The following ZNF831 variants were observed in gnomAD, a reference collection of about 807,000 sequenced individuals.
ZNF831 encodes the protein chromosome 20 open reading frame 174.
A neutral mutation model predicts 95.8 loss-of-function variants in ZNF831; 59 were observed. That is an observed-to-expected ratio of 0.62 (90% CI 0.50 to 0.77). ZNF831 has a LOEUF of 0.77. ZNF831 is among the 30% of genes least tolerant of loss of function. The pLI, the probability that ZNF831 is intolerant of heterozygous loss-of-function variation, is 0.00. For synonymous variants in ZNF831, 961 were observed against 925.5 expected (o/e 1.04, Z -0.70); for missense variants, 2,205 against 2,164.0 (o/e 1.02, Z -0.38).
intron 1 of ZNF831, among the ~76,000 whole-genome samples, chr20:59,172,252 G>A (rs894911103): frequency 2.0e-5 from 3 of 152,104 alleles, no homozygotes; most frequent in African/African-American, 4.8e-5. Flanking sequence ...AGATCTCTGC[G>A]AGCCAAAGAA....
chr20:59,179,516 G>A (rs148561553), intron 1 of ZNF831, among the ~76,000 whole-genome samples: 15 of 152,168 alleles, frequency 9.9e-5, no homozygotes, highest in Non-Finnish European at 2.1e-4. Flanking sequence ...GATTTTTAGA[G>A]GGAGGGGCCA....
intron 1 of ZNF831, among the ~76,000 whole-genome samples, chr20:59,176,396 CT>C (rs957181594): frequency 1.6e-4 from 24 of 152,256 alleles, no homozygotes; most frequent in African/African-American, 5.8e-4. Flanking sequence ...TGTTACACGA[CT>C]GTATTTACTT....
At chr20:59,150,243 C>T (rs1458674182) in intron 2 of ZNF831, among the ~76,000 whole-genome samples, 1 of 152,220 alleles carries the variant, frequency 6.6e-6, no homozygotes, top group East Asian at 1.9e-4. Flanking sequence ...CCTCTGCCCT[C>T]CCTATCCTAG....
At chr20:59,135,314 T>C (rs550313163) in intron 1 of ZNF831, among the ~76,000 whole-genome samples, 1 of 152,294 alleles carries the variant, frequency 6.6e-6, no homozygotes, top group Non-Finnish European at 1.5e-5. Context: ...GAGCTGGGTG[T>C]GGCAACTCAT....
At chr20:59,196,672 C>T (rs886639091) in intron 3 of ZNF831, among the ~76,000 whole-genome samples, 1 of 152,202 alleles carries the variant, frequency 6.6e-6, no homozygotes, top group Non-Finnish European at 1.5e-5. Context: ...GCTCGCCCTC[C>T]ACCCTCATCC....
At chr20:59,163,495 C>T (rs899549713), upstream of ZNF831, among the ~76,000 whole-genome samples, 4 of 152,202 alleles carry the variant, frequency 2.6e-5, no homozygotes, top group Non-Finnish European at 5.9e-5. Context: ...TCTGGGCCCT[C>T]AGGAACCTCT....
At chr20:59,165,037 C>A (rs1430823087) in intron 1 of ZNF831, among the ~76,000 whole-genome samples, 1 of 152,162 alleles carries the variant, frequency 6.6e-6, no homozygotes, top group African/African-American at 2.4e-5. Context: ...CAGCTAAGAG[C>A]AAGTATTTAG....
chr20:59,220,331 G>A (rs1985996187), intron 4 of ZNF831, among the ~76,000 whole-genome samples: 1 of 152,210 alleles, frequency 6.6e-6, no homozygotes, highest in African/African-American at 2.4e-5. Context: ...GGCACCAGGT[G>A]CGCCTTGCGG....
At chr20:59,230,936 C>T (rs899284364) in intron 4 of ZNF831, among the ~76,000 whole-genome samples, 5 of 152,192 alleles carry the variant, frequency 3.3e-5, no homozygotes, top group African/African-American at 7.2e-5. Context: ...ATTATGGAAG[C>T]TCCATTGTGT....
chr20:59,161,732 G>A (rs1490627164), upstream of ZNF831, among the ~76,000 whole-genome samples: 1 of 152,198 alleles, frequency 6.6e-6, no homozygotes, highest in East Asian at 1.9e-4. Flanking sequence ...TACGAGTGCA[G>A]GTGTCTTTTT....
chr20:59,178,004 T>G (rs1037504013), intron 1 of ZNF831, among the ~76,000 whole-genome samples: 1 of 152,142 alleles, frequency 6.6e-6, no homozygotes, highest in Non-Finnish European at 1.5e-5. Flanking sequence ...TTTCTTTTGG[T>G]TTTGAATTTT....
At chr20:59,252,282 T>G (rs967671182) in intron 4 of ZNF831, among the ~76,000 whole-genome samples, 1 of 152,196 alleles carries the variant, frequency 6.6e-6, no homozygotes, top group Non-Finnish European at 1.5e-5. Context: ...GTCTAGTGCT[T>G]CTTCTCTAGT....
chr20:59,226,464 T>C (rs1986438361), intron 4 of ZNF831, among the ~76,000 whole-genome samples: 1 of 151,952 alleles, frequency 6.6e-6, no homozygotes, highest in African/African-American at 2.4e-5. Flanking sequence ...TTCTTGAGAG[T>C]ACCCCTTTAA....
intron 3 of ZNF831, 58 bp downstream of exon 3, chr20:59,196,063 G>A (rs1984083204): frequency 8.2e-6 from 13 of 1,590,168 alleles, no homozygotes; most frequent in Middle Eastern, 3.4e-4. Flanking sequence ...ATTTACTATG[G>A]GATTTGAAAG....
At chr20:59,205,810 C>T (rs1222493446) in intron 3 of ZNF831, among the ~76,000 whole-genome samples, 1 of 152,206 alleles carries the variant, frequency 6.6e-6, no homozygotes, top group East Asian at 1.9e-4. Flanking sequence ...GCAGGCCTGG[C>T]TCTTCGTCTC....
intron 3 of ZNF831, among the ~76,000 whole-genome samples, chr20:59,197,375 T>C (rs1255393940): frequency 2.0e-5 from 3 of 152,196 alleles, no homozygotes; most frequent in Non-Finnish European, 4.4e-5. Context: ...ATTTTTCTCA[T>C]GAGGAAATGG....
intron 4 of ZNF831, among the ~76,000 whole-genome samples, chr20:59,215,667 G>A (rs1985630194): frequency 6.6e-6 from 1 of 152,204 alleles, no homozygotes. Context: ...CAGCACTGAG[G>A]CCTAAATTGA....
chr20:59,248,857 A>T (rs73309084), intron 4 of ZNF831, among the ~76,000 whole-genome samples: 1,909 of 152,108 alleles, frequency 0.013, 39 homozygotes, highest in African/African-American at 0.044. Context: ...TAGTCAAGCC[A>T]TCTCATCTGG....
Position 59,257,243 on chromosome 20 carries a change from C to G in ZNF831, c.*2500C>G, listed in dbSNP as rs528356503. On this transcript the variant is annotated 3_prime_UTR_variant, in exon 6 of 6. Coordinates refer to ENST00000371030, the MANE Select transcript of ZNF831 (RefSeq NM_178457.3). ...AGCAGGTAGCGAAGCCACCTTGCTT[C>G]CCTGGTCTTTGCCTAGTGGCTGGCA... 14 of 152,324 alleles carry G rather than the reference C, an allele frequency of 9.2e-5. No individual in the cohort carries two copies. The South Asian group carries it at 2.7e-3, about 29-fold the overall frequency. The allele number at this position is 152,324 out of a possible 1,614,324, so 9.4% of individuals were successfully genotyped here.
Sources: allele counts gnomAD v4.1 joint callset (sites outside exome capture counted in the v4.1 genomes callset), GRCh38; gene constraint gnomAD v4.1.1; transcripts MANE v1.5; gene names NCBI Gene and HGNC (gene_info 2026-07-23, HGNC 2026-07-21).